The following CTNND1 variants were observed in gnomAD, a reference collection of about 807,000 sequenced individuals.
The protein encoded by CTNND1 is catenin delta-1.
In CTNND1, 16 loss-of-function variants were observed where a neutral mutation model predicts 112.1. The observed-to-expected ratio is 0.14, with a 90% CI of 0.10 to 0.22. The LOEUF (loss-of-function observed/expected upper bound fraction) is 0.22, where lower values mean the gene tolerates loss of function less well. Ranked by LOEUF, CTNND1 falls within the 10% of genes least tolerant of loss-of-function variation. CTNND1 has a pLI of 1.00. For synonymous variants in CTNND1, 420 were observed against 446.5 expected (o/e 0.94, Z 0.75); for missense variants, 1,008 against 1,257.0 (o/e 0.80, Z 3.00).
intron 1 of CTNND1, among the ~76,000 whole-genome samples, chr11:57,774,153 A>G (rs943533275): frequency 6.6e-6 from 1 of 152,206 alleles, no homozygotes; most frequent in African/African-American, 2.4e-5. Flanking sequence ...AGTGGCTTGC[A>G]TAAGTGTCAG....
At chr11:57,791,317 A>G (rs1591435967) in intron 2 of CTNND1, 68 bp from the exon 3 acceptor site, 2 of 1,238,346 alleles carry the variant, frequency 1.6e-6, no homozygotes, top group Middle Eastern at 3.1e-4. Flanking sequence ...TGGCTCTGGG[A>G]TTAATAATTC....
intron 10 of CTNND1, 71 bp from the exon 11 acceptor site, chr11:57,806,390 A>C: frequency 1.5e-6 from 2 of 1,370,908 alleles, no homozygotes; most frequent in Non-Finnish European, 2.0e-6. Context: ...GATTCTGCTG[A>C]CATCTTTCTC....
chr11:57,807,623 A>G (rs1317745476), intron 12 of CTNND1, among the ~76,000 whole-genome samples: 2 of 151,302 alleles, frequency 1.3e-5, no homozygotes, highest in Non-Finnish European at 3.0e-5. Context: ...AAAAAAAAAA[A>G]AAAAAAAAGA....
chr11:57,785,190 A>G (rs577741785), intron 1 of CTNND1, among the ~76,000 whole-genome samples: 1 of 152,210 alleles, frequency 6.6e-6, no homozygotes, highest in Non-Finnish European at 1.5e-5. Context: ...ACAAACTTCA[A>G]AAACTCCACC....
intron 16 of CTNND1, 81 bp from the exon 17 acceptor site, chr11:57,811,318 C>T: frequency 1.8e-6 from 2 of 1,123,730 alleles, no homozygotes; most frequent in Non-Finnish European, 2.6e-6. Flanking sequence ...GAATAGGAAC[C>T]TAGAGGTTTA....
chr11:57,772,983 A>T (rs1017770728), intron 1 of CTNND1, among the ~76,000 whole-genome samples: 3 of 152,122 alleles, frequency 2.0e-5, no homozygotes, highest in Non-Finnish European at 4.4e-5. Context: ...AATATTAGGG[A>T]TGCCCTCAAC....
intron 8 of CTNND1, 21 bp downstream of exon 8, chr11:57,803,825 A>G (rs764180077): frequency 2.0e-6 from 3 of 1,521,712 alleles, no homozygotes; most frequent in Non-Finnish European, 2.6e-6. Context: ...GGACTTTGAG[A>G]ATATGAAGAT....
In CTNND1 at chr11:57,796,495, A is replaced by G. The variant is rs554025960; in HGVS notation, c.459A>G (p.Val153=). ...KVVKTVTTRT[V]QPVAMGPDGL... ...TGAAGACTGTGACAACACGGACAGT[A>G]CAGCCAGTCGCTATGGGACCAGACG... The change falls in exon 6 of 21, where the codon GTA becomes GTG. Residue 153 remains valine, a synonymous_variant. Coordinates refer to ENST00000399050, the MANE Select transcript of CTNND1 (RefSeq NM_001085458.2). The G allele has an allele frequency of 5.0e-6, 8 of 1,613,644 alleles. No homozygotes were observed. The highest frequency in any genetic ancestry group is 1.3e-5 in the African/African-American group (1 of 75,060).
intron 2 of CTNND1, among the ~76,000 whole-genome samples, chr11:57,790,800 C>T (rs534981217): frequency 1.2e-4 from 18 of 152,170 alleles, no homozygotes; most frequent in South Asian, 4.1e-4. Context: ...CCTCGTGATC[C>T]GCCTGCTTCG....
At chr11:57,764,415 T>C (rs185861503) in intron 1 of CTNND1, among the ~76,000 whole-genome samples, 29 of 152,286 alleles carry the variant, frequency 1.9e-4, no homozygotes, top group Non-Finnish European at 3.8e-4. Context: ...GTTTATGAAG[T>C]AGCTGCTCTC....
chr11:57,808,683 G>A, intron 14 of CTNND1, 143 bp downstream of exon 14: 1 of 731,746 alleles, frequency 1.4e-6, no homozygotes, highest in Non-Finnish European at 2.0e-6. Context: ...TGCGAGAGTT[G>A]GTAAGGGTTT....
chr11:57,777,500 C>CCT (rs1397401428), intron 1 of CTNND1, among the ~76,000 whole-genome samples: 1 of 152,168 alleles, frequency 6.6e-6, no homozygotes, highest in Non-Finnish European at 1.5e-5. Flanking sequence ...GAACTCCTGA[C>CCT]CTCCAGTGGT....
At chr11:57,771,185 A>G (rs1264480525) in intron 1 of CTNND1, among the ~76,000 whole-genome samples, 1 of 152,140 alleles carries the variant, frequency 6.6e-6, no homozygotes, top group Non-Finnish European at 1.5e-5. Flanking sequence ...AGAAGGAAGT[A>G]AAACATCTCC....
At chr11:57,797,132 C>A in intron 6 of CTNND1, 140 bp downstream of exon 6, 1 of 573,682 alleles carries the variant, frequency 1.7e-6, no homozygotes, top group Non-Finnish European at 2.6e-6. Context: ...GGGTGAAAAG[C>A]TACCCTGTTT....
At chr11:57,763,333 C>T (rs1338115751) in intron 1 of CTNND1, among the ~76,000 whole-genome samples, 1 of 152,102 alleles carries the variant, frequency 6.6e-6, no homozygotes, top group Non-Finnish European at 1.5e-5. Flanking sequence ...ACAAGATGGG[C>T]TTTAGTGTGT....
intron 10 of CTNND1, 79 bp from the exon 11 acceptor site, chr11:57,806,382 T>G (rs2062668849): frequency 2.3e-6 from 3 of 1,315,356 alleles, no homozygotes; most frequent in African/African-American, 1.5e-5. Flanking sequence ...TTGCCCATGA[T>G]TCTGCTGACA....
chr11:57,786,529 T>C (rs1034181716), intron 1 of CTNND1, among the ~76,000 whole-genome samples: 4 of 152,062 alleles, frequency 2.6e-5, no homozygotes, highest in African/African-American at 9.7e-5. Flanking sequence ...CGAGACTCCA[T>C]CTCAAAAAAA....
intron 1 of CTNND1, among the ~76,000 whole-genome samples, chr11:57,779,193 A>G (rs2059319299): frequency 6.6e-6 from 1 of 152,134 alleles, no homozygotes; most frequent in Non-Finnish European, 1.5e-5. Flanking sequence ...TACATTTTAT[A>G]TCTCATCCTT....
chr11:57,781,323 A>T (rs1195221036), intron 1 of CTNND1, among the ~76,000 whole-genome samples: 4 of 150,176 alleles, frequency 2.7e-5, no homozygotes, highest in African/African-American at 9.8e-5. Context: ...TTCCATGAAT[A>T]TTTTTTTTTT....
Sources: allele counts gnomAD v4.1 joint callset (sites outside exome capture counted in the v4.1 genomes callset), GRCh38; gene constraint gnomAD v4.1.1; transcripts MANE v1.5; gene names NCBI Gene and HGNC (gene_info 2026-07-23, HGNC 2026-07-21).